Variants in AGBL4 observed in about 807,000 individuals in gnomAD.
The protein encoded by AGBL4 is cytosolic carboxypeptidase 6.
In AGBL4, 58 loss-of-function variants were observed where a neutral mutation model predicts 66.4. The observed-to-expected ratio is 0.87, with a 90% CI of 0.71 to 1.09. The LOEUF (loss-of-function observed/expected upper bound fraction) is 1.09, where lower values mean the gene tolerates loss of function less well. AGBL4 is among the 50% of genes least tolerant of loss of function. The pLI is 0.00. For missense variants in AGBL4, 579 were observed against 631.0 expected (o/e 0.92, Z 0.88); for synonymous variants, 234 against 222.9 (o/e 1.05, Z -0.44).
intron 6 of AGBL4, among the ~76,000 whole-genome samples, chr1:48,707,940 A>AG (rs1303566636): frequency 1.3e-5 from 2 of 152,176 alleles, no homozygotes; most frequent in African/African-American, 4.8e-5. Flanking sequence ...GGAAAGGGGC[A>AG]GGGGAGGAAA....
At chr1:48,712,385 C>G (rs1379036482) in intron 6 of AGBL4, among the ~76,000 whole-genome samples, 2 of 152,118 alleles carry the variant, frequency 1.3e-5, no homozygotes, top group Non-Finnish European at 1.5e-5. Context: ...TGCTTTTTTC[C>G]CCACGGGTAG....
intron 3 of AGBL4, among the ~76,000 whole-genome samples, chr1:49,572,481 ATTTG>A (rs1200931248): frequency 6.6e-6 from 1 of 152,058 alleles, no homozygotes; most frequent in African/African-American, 2.4e-5. Flanking sequence ...CAGTTTACCA[ATTTG>A]TTTATCTTTT....
intron 2 of AGBL4, among the ~76,000 whole-genome samples, chr1:49,698,441 T>C (rs533370437): frequency 6.6e-6 from 1 of 152,142 alleles, no homozygotes; most frequent in Non-Finnish European, 1.5e-5. Flanking sequence ...TGAACTAAAC[T>C]ATTTGATCCT....
chr1:48,710,295 G>A (rs189048112), intron 6 of AGBL4, among the ~76,000 whole-genome samples: 1 of 152,310 alleles, frequency 6.6e-6, no homozygotes, highest in African/African-American at 2.4e-5. Context: ...GTTCCCCTGG[G>A]AAGGGCTTCT....
intron 3 of AGBL4, among the ~76,000 whole-genome samples, chr1:49,332,379 C>A (rs1354428963): frequency 6.6e-6 from 1 of 152,060 alleles, no homozygotes; most frequent in African/African-American, 2.4e-5. Flanking sequence ...AACACCAGGC[C>A]AGATTATTTC....
intron 9 of AGBL4, among the ~76,000 whole-genome samples, chr1:48,596,090 C>T (rs562116983): frequency 1.3e-5 from 2 of 152,306 alleles, no homozygotes; most frequent in South Asian, 4.1e-4. Flanking sequence ...CCCAGCATTA[C>T]GCAGCAAGAT....
chr1:49,578,268 A>G (rs1644475021), intron 3 of AGBL4, among the ~76,000 whole-genome samples: 1 of 152,226 alleles, frequency 6.6e-6, no homozygotes, highest in South Asian at 2.1e-4. Context: ...TGCATGGAAT[A>G]CAGGAGATCC....
intron 3 of AGBL4, among the ~76,000 whole-genome samples, chr1:49,448,930 C>G (rs1028995639): frequency 6.6e-6 from 1 of 150,820 alleles, no homozygotes; most frequent in Non-Finnish European, 1.5e-5. Context: ...CTATTTAAGA[C>G]TGAAGTATGT....
At position 49,795,715 on chromosome 1, in the gene AGBL4, A is replaced by C. The variant is rs139745283; in HGVS notation, c.157+55681T>G. On this transcript the variant is annotated intron_variant, in intron 2 of 13. Transcript: ENST00000371839. ...ATCCCAAATCAGTAGTAAAGAGATA[A>C]ATTTTTCAATAAATAATTGATAAAA... is the stretch of plus-strand genomic sequence containing the variant. Among the ~76,000 whole-genome samples, 1,022 of 152,008 alleles carry C rather than the reference A, an allele frequency of 6.7e-3. 8 individuals are homozygous for C. The highest frequency in any genetic ancestry group is 0.018 in the South Asian group (85 of 4,826).
At chr1:48,773,939 A>G (rs775310709) in intron 6 of AGBL4, among the ~76,000 whole-genome samples, 9 of 152,368 alleles carry the variant, frequency 5.9e-5, no homozygotes, top group Middle Eastern at 3.4e-3. Flanking sequence ...TTGTAATTTG[A>G]TAAGTAGTGG....
At chr1:49,083,295 T>A (rs949278011) in intron 4 of AGBL4, among the ~76,000 whole-genome samples, 1 of 152,212 alleles carries the variant, frequency 6.6e-6, no homozygotes, top group Non-Finnish European at 1.5e-5. Context: ...CTTCCTACAC[T>A]GCCCTAGCAG....
intron 5 of AGBL4, among the ~76,000 whole-genome samples, chr1:48,951,449 C>T (rs1656979119): frequency 1.3e-5 from 2 of 152,130 alleles, no homozygotes; most frequent in African/African-American, 2.4e-5. Flanking sequence ...CACCCCCATC[C>T]CTCCCCACAT....
At chr1:49,431,263 T>C (rs553681868) in intron 3 of AGBL4, among the ~76,000 whole-genome samples, 1 of 152,260 alleles carries the variant, frequency 6.6e-6, no homozygotes, top group African/African-American at 2.4e-5. Context: ...ATGAGATATG[T>C]TAAGTTCATA....
rs115928935 is a variant in AGBL4, at chr1:48,635,544, A to G, written c.840-940T>C. On this transcript the variant is annotated intron_variant, in intron 8 of 13. Transcript: ENST00000371839. ...AATGCCCCCATGGTATGCAGAGGAG[A>G]TATCACTGAGTTCAGTCCCCCTGTT... is the stretch of plus-strand genomic sequence containing the variant. Among the ~76,000 whole-genome samples the G allele has an allele frequency of 7.6e-3, 1,164 of 152,260 alleles. 10 individuals carry two copies. The highest frequency in any genetic ancestry group is 0.01 in the Admixed American group (155 of 15,294).
chr1:49,270,957 ATAAAGT>A (rs913345149), intron 3 of AGBL4, among the ~76,000 whole-genome samples: 69 of 152,314 alleles, frequency 4.5e-4, no homozygotes, highest in African/African-American at 1.6e-3. Context: ...CTAAACTAAA[ATAAAGT>A]TAAAGTCCTT....
intron 1 of AGBL4, among the ~76,000 whole-genome samples, chr1:49,953,985 C>A (rs144996829): frequency 2.6e-4 from 40 of 151,982 alleles, no homozygotes; most frequent in African/African-American, 9.4e-4. Context: ...CCTCAAAGTC[C>A]TGGACTCAAA....
intron 3 of AGBL4, among the ~76,000 whole-genome samples, chr1:49,570,110 G>A (rs181095403): frequency 6.6e-6 from 1 of 152,066 alleles, no homozygotes; most frequent in Non-Finnish European, 1.5e-5. Context: ...GGAACTGCTG[G>A]ATCAAATGGT....
At chr1:48,994,467 G>A (rs1365792834) in intron 5 of AGBL4, among the ~76,000 whole-genome samples, 1 of 152,140 alleles carries the variant, frequency 6.6e-6, no homozygotes, top group African/African-American at 2.4e-5. Flanking sequence ...GCACAGGCAG[G>A]TTATCTTGTT....
chr1:49,027,364 T>C (rs1311649265), intron 5 of AGBL4, among the ~76,000 whole-genome samples: 2 of 152,094 alleles, frequency 1.3e-5, no homozygotes, highest in Non-Finnish European at 2.9e-5. Context: ...AGTTTCACTA[T>C]GTTGGCCAGG....
Sources: gnomAD v4.1 joint callset for allele counts (sites outside exome capture counted in the v4.1 genomes callset) on GRCh38, gnomAD v4.1.1 for gene constraint, MANE v1.5 for transcripts, NCBI Gene and HGNC (gene_info 2026-07-23, HGNC 2026-07-21) for gene names.